The following SLC38A1 variants were observed in gnomAD, a reference collection of about 807,000 sequenced individuals.
The protein encoded by SLC38A1 is sodium-coupled neutral amino acid symporter 1.
SLC38A1 carries 18 observed loss-of-function variants against 60.3 expected under a neutral mutation model. The ratio of observed to expected loss-of-function variants is 0.30; its 90% CI spans 0.21 to 0.44. SLC38A1 has a LOEUF of 0.44. Ranked by LOEUF, SLC38A1 falls within the 20% of genes least tolerant of loss-of-function variation. SLC38A1 has a pLI of 1.00. For synonymous variants in SLC38A1, 196 were observed against 212.1 expected (o/e 0.92, Z 0.66); for missense variants, 448 against 587.2 (o/e 0.76, Z 2.45).
At chr12:46,264,418 T>C (rs1942290927) in intron 1 of SLC38A1, among the ~76,000 whole-genome samples, 1 of 152,210 alleles carries the variant, frequency 6.6e-6, no homozygotes, top group South Asian at 2.1e-4. Flanking sequence ...TTACTAATAG[T>C]AGAGGAATTC....
chr12:46,215,505 A>T (rs763734346), intron 5 of SLC38A1, among the ~76,000 whole-genome samples: 4 of 151,832 alleles, frequency 2.6e-5, no homozygotes, highest in Non-Finnish European at 4.4e-5. Context: ...TCTGCCTCCC[A>T]GGTTCAAGTG....
In SLC38A1 at chr12:46,201,171, A is replaced by T. The variant is rs560663894; in HGVS notation, c.930T>A (p.Val310=). 1.5e-5 allele frequency: 24 copies of T among 1,613,360 alleles called. No individual in the cohort carries two copies. In the South Asian group the frequency reaches 2.5e-4, roughly 17 times the overall value. The change falls in exon 13 of 17, where the codon GTT becomes GTA. Residue 310 remains valine, a synonymous_variant. Transcript: ENST00000398637. ...KDRSQKKMQM[V]SNISFFAMFV... ...ACATGGCGAAAAAGGAGATGTTTGA[A>T]ACCATCTGCATTTTTTTCTGTGATC...
At position 46,212,334 on chromosome 12, in the gene SLC38A1, TCTGG is replaced by T. The variant is rs1940209364; in HGVS notation, c.315-3211_315-3208del. On this transcript the variant is annotated intron_variant, in intron 5 of 16. Coordinates refer to ENST00000398637, the MANE Select transcript of SLC38A1 (RefSeq NM_030674.4). ...CAAGTGATTCCTTTTTAAAATTTCATCTGGATATAATTTAAGCTTCAACATTGTT... is the reference window on the plus strand; with the variant it reads ...CAAGTGATTCCTTTTTAAAATTTCATATATAATTTAAGCTTCAACATTGTT... 2.0e-5 allele frequency among the ~76,000 whole-genome samples: 3 copies of T among 152,214 alleles called. No individual in the cohort carries two copies. The South Asian group carries it at 6.2e-4, about 32-fold the overall frequency.
At chr12:46,241,914 C>G (rs1592135898) in intron 2 of SLC38A1, among the ~76,000 whole-genome samples, 1 of 152,268 alleles carries the variant, frequency 6.6e-6, no homozygotes, top group Admixed American at 6.5e-5. Flanking sequence ...GGAGACTTTT[C>G]TCTCTACAAA....
chr12:46,214,630 C>T (rs935920997), intron 5 of SLC38A1, among the ~76,000 whole-genome samples: 6 of 152,158 alleles, frequency 3.9e-5, no homozygotes, highest in African/African-American at 1.4e-4. Flanking sequence ...ACAAACCTCA[C>T]CCTTTAAATT....
At chr12:46,211,781 T>G (rs756805832) in intron 5 of SLC38A1, among the ~76,000 whole-genome samples, 2 of 152,196 alleles carry the variant, frequency 1.3e-5, no homozygotes, top group Non-Finnish European at 2.9e-5. Flanking sequence ...GACGTAACAT[T>G]GCACCCCAGA....
chr12:46,225,282 T>A (rs189860443), intron 5 of SLC38A1, among the ~76,000 whole-genome samples: 3 of 152,268 alleles, frequency 2.0e-5, no homozygotes, highest in Admixed American at 6.5e-5. Context: ...TGAACTTTTT[T>A]CAAGAAATAG....
chr12:46,224,748 A>G (rs1487826181), intron 5 of SLC38A1, among the ~76,000 whole-genome samples: 2 of 152,234 alleles, frequency 1.3e-5, no homozygotes, highest in Admixed American at 1.3e-4. Context: ...AAGTTTAGTG[A>G]GAAACTTAAA....
At chr12:46,215,439 T>C (rs1940363390) in intron 5 of SLC38A1, among the ~76,000 whole-genome samples, 2 of 151,874 alleles carry the variant, frequency 1.3e-5, no homozygotes, top group Admixed American at 1.3e-4. Context: ...TGAGACAGAG[T>C]CTTGCTCTGT....
At chr12:46,207,746 A>G (rs1939973911) in intron 6 of SLC38A1, 125 bp from the exon 7 acceptor site, 1 of 905,330 alleles carries the variant, frequency 1.1e-6, no homozygotes, top group Admixed American at 2.1e-5. Context: ...ACTCACACAA[A>G]TAGTCATTTT....
chr12:46,198,680 A>G lies in SLC38A1; in HGVS notation c.1067T>C (p.Val356Ala). The G allele has an allele frequency of 1.2e-6, 2 of 1,613,830 alleles. No individual in the cohort carries two copies. Among genetic ancestry groups the G allele is most frequent in the Non-Finnish European group, 1.7e-6 (2 of 1,179,878 alleles). ...CACAGCAACAATGACAGCCAGCCGCACTGTCAGGATGAGAATGTCATCTTT... is the reference window on the plus strand; with the variant it reads ...CACAGCAACAATGACAGCCAGCCGCGCTGTCAGGATGAGAATGTCATCTTT... Reference protein sequence around the residue: ...QSKDDILILTVRLAVIVAVIL... With the variant: ...QSKDDILILTARLAVIVAVIL... The change falls in exon 14 of 17, where the codon GTG becomes GCG. Residue 356 changes from valine (V) to alanine (A), a missense_variant. Physicochemically the swap from Val to Ala is moderately conservative, Grantham distance 64 (BLOSUM62 0). Around this residue, in one of 2 missense-constraint regions of SLC38A1, gnomAD observed 346 missense variants for 497.5 expected, o/e 0.70. Coordinates refer to ENST00000398637, the MANE Select transcript of SLC38A1 (RefSeq NM_030674.4).
intron 11 of SLC38A1, among the ~76,000 whole-genome samples, chr12:46,203,649 T>C (rs1592078637): frequency 1.3e-5 from 2 of 152,250 alleles, no homozygotes; most frequent in African/African-American, 4.8e-5. Flanking sequence ...TATTTAGTTT[T>C]CTTAGATAAG....
chr12:46,256,462 A>G (rs1942025399), intron 1 of SLC38A1, among the ~76,000 whole-genome samples: 1 of 152,164 alleles, frequency 6.6e-6, no homozygotes, highest in South Asian at 2.1e-4. Flanking sequence ...AAGACAAAGG[A>G]TGATCCCTTA....
intron 1 of SLC38A1, among the ~76,000 whole-genome samples, chr12:46,256,613 G>GCGCACACA (rs1555192371): frequency 9.3e-6 from 1 of 107,460 alleles, no homozygotes; most frequent in South Asian, 3.6e-4. Flanking sequence ...GCGCGCGCGC[G>GCGCACACA]CACACACACA....
At chr12:46,251,549 T>A (rs1941839906) in intron 1 of SLC38A1, among the ~76,000 whole-genome samples, 2 of 151,782 alleles carry the variant, frequency 1.3e-5, no homozygotes, top group Admixed American at 1.3e-4. Context: ...ACCATCAGAG[T>A]GAACAGGCAA....
chr12:46,201,421 C>T (rs527283441), intron 12 of SLC38A1, among the ~76,000 whole-genome samples: 1 of 152,166 alleles, frequency 6.6e-6, no homozygotes, highest in African/African-American at 2.4e-5. Flanking sequence ...AGCGTTCTTC[C>T]CCATTCTTTT....
Position 46,187,911 on chromosome 12 carries a change from T to C in SLC38A1, c.*1059A>G, listed in dbSNP as rs1791700481. The C allele has an allele frequency of 6.6e-6, 1 of 152,068 alleles. No individual in the cohort carries two copies. Among genetic ancestry groups the C allele is most frequent in the Admixed American group, 6.6e-5 (1 of 15,264 alleles). 9.4% of individuals were successfully genotyped at this position (152,068 alleles called of 1,614,324 possible). A position where few individuals can be genotyped will look rare whatever the true frequency, so the allele number is the denominator to read the frequency against. Reference sequence around the variant, plus strand: ...GATTTATAGATATAAAACAAGTCTTTTAAAGACTTCCCTAAAATACTCAAT... The same window carrying C: ...GATTTATAGATATAAAACAAGTCTTCTAAAGACTTCCCTAAAATACTCAAT... On this transcript the variant is annotated 3_prime_UTR_variant, in exon 17 of 17. Coordinates refer to ENST00000398637, the MANE Select transcript of SLC38A1 (RefSeq NM_030674.4).
At chr12:46,192,780 C>A (rs905620129) in intron 16 of SLC38A1, among the ~76,000 whole-genome samples, 1 of 151,968 alleles carries the variant, frequency 6.6e-6, no homozygotes, top group South Asian at 2.1e-4. Flanking sequence ...GTGGTGATAT[C>A]CCCTTTATCA....
Position 46,229,245 on chromosome 12 carries a change from G to A in SLC38A1, c.222C>T (p.Gly74=). Residue 74 remains glycine (G), a synonymous_variant, in exon 5 of 17, where the codon GGC becomes GGT. Coordinates refer to ENST00000398637, the MANE Select transcript of SLC38A1 (RefSeq NM_030674.4). ...DEYIPGTTSL[G]MSVFNLSNAI... is the part of the protein sequence containing the mutation. ...CGTTGCTTAGGTTAAAAACAGACATGCCTAAGGAGGTTGTACCTGGAATCT... is the reference window on the plus strand; with the variant it reads ...CGTTGCTTAGGTTAAAAACAGACATACCTAAGGAGGTTGTACCTGGAATCT... The A allele has an allele frequency of 3.1e-6, 5 of 1,612,332 alleles. No homozygotes were observed. The highest frequency in any genetic ancestry group is 2.2e-5 in the East Asian group (1 of 44,858).
Sources: gnomAD v4.1 joint callset for allele counts (sites outside exome capture counted in the v4.1 genomes callset) on GRCh38, gnomAD v4.1.1 for gene constraint, gnomAD v4.1.1 regional missense constraint, MANE v1.5 for transcripts, NCBI Gene and HGNC (gene_info 2026-07-23, HGNC 2026-07-21) for gene names.